NELL1: variants seen among roughly 807,000 people sequenced by gnomAD.
NELL1 encodes protein kinase C-binding protein NELL1.
Under a neutral mutation model 107.4 loss-of-function variants are expected in NELL1, and 76 were observed. The ratio of observed to expected loss-of-function variants is 0.71; its 90% CI spans 0.59 to 0.86. The LOEUF is 0.86. Ranked by LOEUF, NELL1 falls within the 40% of genes least tolerant of loss-of-function variation. The pLI is 0.00. For synonymous variants in NELL1, 353 were observed against 341.2 expected (o/e 1.03, Z -0.38); for missense variants, 1,024 against 1,005.5 (o/e 1.02, Z -0.25).
At chr11:21,483,820 C>A (rs977132616) in intron 15 of NELL1, among the ~76,000 whole-genome samples, 1 of 147,504 alleles carries the variant, frequency 6.8e-6, no homozygotes, top group Non-Finnish European at 1.5e-5. Flanking sequence ...TTATTATACC[C>A]ATCCAAAAGA....
intron 5 of NELL1, among the ~76,000 whole-genome samples, chr11:20,906,727 A>AAAGG (rs1452643235): frequency 2.6e-5 from 4 of 152,094 alleles, no homozygotes; most frequent in Non-Finnish European, 5.9e-5. Context: ...TTAATAGAAT[A>AAAGG]AAGGAAAAAA....
rs60048445 is a variant in NELL1, at chr11:21,313,992, GCCCCCCCC to G, written c.1550-56851_1550-56844del. On this transcript the variant is annotated intron_variant, in intron 14 of 19. Transcript: ENST00000357134. Reference sequence around the variant, plus strand: ...TAAAAGTGTATGGAACCTACACTCTGCCCCCCCCCCCCCCCCCGCGACCCCCACTTGCT... The same window carrying G: ...TAAAAGTGTATGGAACCTACACTCTGCCCCCCCCCGCGACCCCCACTTGCT... Among the ~76,000 whole-genome samples the G allele has an allele frequency of 1.3e-4, 7 of 55,578 alleles. 2 individuals carry two copies. Among genetic ancestry groups the G allele is most frequent in the Admixed American group, 5.0e-4 (2 of 3,992 alleles). The allele number at this position is 55,578 out of a possible 152,430, so 36.5% of individuals were successfully genotyped here. A position where few individuals can be genotyped will look rare whatever the true frequency, so the allele number is the denominator to read the frequency against.
intron 15 of NELL1, among the ~76,000 whole-genome samples, chr11:21,460,008 A>G (rs1193014923): frequency 6.6e-6 from 1 of 152,126 alleles, no homozygotes; most frequent in Non-Finnish European, 1.5e-5. Flanking sequence ...ATGCCCACTT[A>G]TCTAACCTCA....
intron 14 of NELL1, among the ~76,000 whole-genome samples, chr11:21,326,679 C>A (rs1438959938): frequency 1.3e-5 from 2 of 151,444 alleles, no homozygotes; most frequent in Non-Finnish European, 2.9e-5. Flanking sequence ...TGGTAATGTC[C>A]CTCAGTTTTT....
intron 14 of NELL1, among the ~76,000 whole-genome samples, chr11:21,369,362 AT>A (rs34302489): frequency 0.39 from 42,757 of 109,752 alleles, 4,520 homozygotes; most frequent in Admixed American, 0.45. Context: ...GGTAGGTACT[AT>A]TTTTTTTTTT....
intron 3 of NELL1, among the ~76,000 whole-genome samples, chr11:20,822,708 C>T (rs1857785462): frequency 6.6e-6 from 1 of 152,104 alleles, no homozygotes; most frequent in Non-Finnish European, 1.5e-5. Flanking sequence ...TATGATTTGC[C>T]AGGTGTCCAG....
chr11:20,865,528 C>G (rs929719823), intron 4 of NELL1, among the ~76,000 whole-genome samples: 1 of 151,390 alleles, frequency 6.6e-6, no homozygotes, highest in Non-Finnish European at 1.5e-5. Context: ...CCTGCATGGG[C>G]TGCATCTGTG....
At chr11:21,387,679 C>T (rs980201628) in intron 15 of NELL1, among the ~76,000 whole-genome samples, 3 of 151,780 alleles carry the variant, frequency 2.0e-5, no homozygotes, top group Admixed American at 6.6e-5. Context: ...GTTTTGACAA[C>T]TGCAAGAGCT....
intron 4 of NELL1, among the ~76,000 whole-genome samples, chr11:20,858,768 G>T (rs1185660710): frequency 6.6e-6 from 1 of 152,158 alleles, no homozygotes. Context: ...GGTACTCCTT[G>T]GGTATTTAAT....
At chr11:20,750,315 G>A (rs7110712) in intron 2 of NELL1, among the ~76,000 whole-genome samples, 5,252 of 152,040 alleles carry the variant, frequency 0.035, 295 homozygotes, top group African/African-American at 0.12. Flanking sequence ...TATTCTGGCT[G>A]CAAGTTCTTT....
intron 12 of NELL1, among the ~76,000 whole-genome samples, chr11:21,053,953 T>G (rs1380501141): frequency 1.3e-5 from 2 of 152,140 alleles, no homozygotes; most frequent in African/African-American, 4.8e-5. Context: ...AGAACTTAGT[T>G]TTTTTCCCCA....
At chr11:21,311,592 A>C (rs1019049884) in intron 14 of NELL1, among the ~76,000 whole-genome samples, 5 of 152,176 alleles carry the variant, frequency 3.3e-5, no homozygotes, top group African/African-American at 1.2e-4. Context: ...TGCCTCAATT[A>C]ACTTTTAATG....
intron 3 of NELL1, among the ~76,000 whole-genome samples, chr11:20,816,545 G>T (rs1426130214): frequency 6.6e-6 from 1 of 152,136 alleles, no homozygotes; most frequent in Non-Finnish European, 1.5e-5. Flanking sequence ...GAGTCTTTTA[G>T]TGGAGTCTTT....
intron 6 of NELL1, among the ~76,000 whole-genome samples, 185 bp downstream of exon 6, chr11:20,918,439 T>C (rs943645075): frequency 6.6e-6 from 1 of 151,998 alleles, no homozygotes; most frequent in Non-Finnish European, 1.5e-5. Flanking sequence ...GTATCATTTA[T>C]TGTATTAATC....
intron 14 of NELL1, among the ~76,000 whole-genome samples, chr11:21,234,276 C>T (rs939111810): frequency 1.3e-5 from 2 of 152,156 alleles, no homozygotes; most frequent in Admixed American, 6.5e-5. Context: ...TTGAAATTTT[C>T]CCATGATCTC....
At chr11:21,420,624 C>A (rs1407228553) in intron 15 of NELL1, among the ~76,000 whole-genome samples, 1 of 152,138 alleles carries the variant, frequency 6.6e-6, no homozygotes, top group African/African-American at 2.4e-5. Context: ...ATGAAAATTT[C>A]TCTGAAGAGT....
At chr11:21,354,588 T>TA (rs1333177220) in intron 14 of NELL1, among the ~76,000 whole-genome samples, 2 of 152,172 alleles carry the variant, frequency 1.3e-5, no homozygotes, top group Non-Finnish European at 2.9e-5. Flanking sequence ...CAGATATAAT[T>TA]ACAAATTACC....
intron 14 of NELL1, among the ~76,000 whole-genome samples, chr11:21,334,318 T>A (rs981420836): frequency 2.0e-5 from 3 of 151,934 alleles, no homozygotes; most frequent in African/African-American, 7.2e-5. Flanking sequence ...TTTGAGCCAA[T>A]AGGCAAAATG....
intron 4 of NELL1, among the ~76,000 whole-genome samples, chr11:20,868,997 CCAG>C (rs999645390): frequency 2.0e-5 from 3 of 152,198 alleles, no homozygotes; most frequent in Middle Eastern, 3.4e-3. Flanking sequence ...TATTATATAG[CCAG>C]TGAAGTGCTA....
Sources: gnomAD v4.1 joint callset for allele counts (sites outside exome capture counted in the v4.1 genomes callset) on GRCh38, gnomAD v4.1.1 for gene constraint, MANE v1.5 for transcripts, NCBI Gene and HGNC (gene_info 2026-07-23, HGNC 2026-07-21) for gene names.